The following CHD6 variants were observed in gnomAD, a reference collection of about 807,000 sequenced individuals.
The protein encoded by CHD6 is chromodomain helicase DNA binding protein 6, also known as ATP-dependent chromatin remodeler CHD6.
CHD6 carries 50 observed loss-of-function variants against 276.9 expected under a neutral mutation model. That is an observed-to-expected ratio of 0.18 (90% CI 0.14 to 0.23). The LOEUF is 0.23. Among genes scored for constraint, CHD6 ranks in the 10% least tolerant of loss-of-function variants. The pLI is 1.00. For missense variants in CHD6, 2,564 were observed against 3,365.8 expected, an observed-to-expected ratio of 0.76 and a Z score of 5.89; for synonymous variants, 1,173 against 1,229.3, an observed-to-expected ratio of 0.95 and a Z score of 0.96.
intron 31 of CHD6, 122 bp downstream of exon 31, chr20:41,420,386 G>A (rs2047145634): frequency 3.8e-6 from 4 of 1,063,738 alleles, no homozygotes; most frequent in African/African-American, 1.6e-5. Context: ...GACCTTTGGT[G>A]AGGGTAGGCA....
chr20:41,573,156 G>A (rs1376754990), intron 1 of CHD6, among the ~76,000 whole-genome samples: 2 of 152,142 alleles, frequency 1.3e-5, no homozygotes, highest in South Asian at 2.1e-4. Flanking sequence ...TGATCCACCC[G>A]CCTCGGCCTC....
At chr20:41,604,962 TG>T (rs1406090442) in intron 1 of CHD6, among the ~76,000 whole-genome samples, 1 of 152,166 alleles carries the variant, frequency 6.6e-6, no homozygotes, top group African/African-American at 2.4e-5. Context: ...AACATTTTCA[TG>T]GGAAAATTTT....
intron 1 of CHD6, among the ~76,000 whole-genome samples, chr20:41,554,212 T>C (rs1338533419): frequency 2.6e-5 from 4 of 152,110 alleles, no homozygotes; most frequent in Non-Finnish European, 5.9e-5. Flanking sequence ...ACTTTTGTAA[T>C]GTATAAAGAA....
intron 33 of CHD6, among the ~76,000 whole-genome samples, chr20:41,416,110 C>T (rs1204463367): frequency 6.6e-6 from 1 of 152,160 alleles, no homozygotes; most frequent in Non-Finnish European, 1.5e-5. Flanking sequence ...ACTCATCACC[C>T]CCACCAAAAC....
chr20:41,445,690 T>C lies in CHD6; in HGVS notation c.3852A>G (p.Ser1284=), dbSNP rs150050357. ...VDWWDAEADK[S]LLIGVFKHGY... The stretch of plus-strand genomic sequence containing the variant: ...CATGCTTGAACACGCCAATGAGAAG[T>C]GACTTATCGGCTTCAGCATCCCACC... The change falls in exon 25 of 37, where the codon TCA becomes TCG. Residue 1284 remains serine, a synonymous_variant. Transcript: ENST00000373233. 3.8e-4 allele frequency: 619 copies of C among 1,612,968 alleles called. 2 individuals carry two copies. The highest frequency in any genetic ancestry group is 3.4e-4 in the Non-Finnish European group (406 of 1,179,104).
intron 1 of CHD6, among the ~76,000 whole-genome samples, chr20:41,582,669 G>C (rs1470668748): frequency 6.6e-6 from 1 of 152,154 alleles, no homozygotes; most frequent in Non-Finnish European, 1.5e-5. Context: ...AACTAAGAAA[G>C]ATGACCAAGA....
At chr20:41,512,098 G>C (rs2044132429) in intron 5 of CHD6, among the ~76,000 whole-genome samples, 1 of 151,774 alleles carries the variant, frequency 6.6e-6, no homozygotes, top group Non-Finnish European at 1.5e-5. Context: ...CTCCCAAGTA[G>C]CTGGGATTAC....
intron 1 of CHD6, among the ~76,000 whole-genome samples, chr20:41,598,936 A>G (rs149796782): frequency 2.0e-4 from 31 of 152,258 alleles, no homozygotes; most frequent in African/African-American, 7.5e-4. Context: ...GACAATCACA[A>G]AAAAAGGAGT....
chr20:41,591,403 CACACAT>C (rs2045658615), intron 1 of CHD6, among the ~76,000 whole-genome samples: 2 of 134,800 alleles, frequency 1.5e-5, no homozygotes, highest in East Asian at 2.6e-4. Flanking sequence ...CACACACACA[CACACAT>C]ATATATATAC....
At chr20:41,507,959 T>C (rs1378822122) in intron 5 of CHD6, among the ~76,000 whole-genome samples, 1 of 152,162 alleles carries the variant, frequency 6.6e-6, no homozygotes, top group Non-Finnish European at 1.5e-5. Context: ...AGTATCAAGC[T>C]TGATGCCCAG....
At chr20:41,536,009 T>C (rs746462924) in intron 2 of CHD6, among the ~76,000 whole-genome samples, 71 of 152,210 alleles carry the variant, frequency 4.7e-4, no homozygotes, top group Non-Finnish European at 7.3e-4. Context: ...TTTGTATTTT[T>C]AAGGCACCTT....
At chr20:41,552,456 GCTTGA>G (rs1296356753) in intron 1 of CHD6, among the ~76,000 whole-genome samples, 2 of 152,158 alleles carry the variant, frequency 1.3e-5, no homozygotes, top group East Asian at 1.9e-4. Context: ...ATGTTAATTA[GCTTGA>G]CTTAATTATT....
chr20:41,405,127 G>A lies in CHD6; in HGVS notation c.7614C>T (p.Leu2538=). The change falls in exon 37 of 37, where the codon CTC becomes CTT. Residue 2538 remains leucine, a synonymous_variant. Coordinates refer to ENST00000373233, the MANE Select transcript of CHD6 (RefSeq NM_032221.5). ...VPQMFGVGGL[L]SPPMATTCTS... Reference sequence around the variant, plus strand: ...TGCAGGTGGTTGCCATGGGTGGACTGAGGAGTCCCCCAACACCAAACATCT... The same window carrying A: ...TGCAGGTGGTTGCCATGGGTGGACTAAGGAGTCCCCCAACACCAAACATCT... 1 of 1,614,198 alleles carries A rather than the reference G, an allele frequency of 6.2e-7. No individual in the cohort carries two copies.
At chr20:41,502,201 CATT>C (rs143009174) in intron 5 of CHD6, among the ~76,000 whole-genome samples, 3 of 152,110 alleles carry the variant, frequency 2.0e-5, no homozygotes, top group Non-Finnish European at 4.4e-5. Context: ...CCACCAACAT[CATT>C]AAGCTACATA....
intron 16 of CHD6, among the ~76,000 whole-genome samples, chr20:41,477,547 T>C (rs922689208): frequency 6.6e-6 from 1 of 152,120 alleles, no homozygotes; most frequent in Admixed American, 6.6e-5. Flanking sequence ...CAGTTAAAGA[T>C]TATGAATTTA....
intron 20 of CHD6, among the ~76,000 whole-genome samples, chr20:41,453,512 A>C (rs902302657): frequency 3.9e-5 from 6 of 152,062 alleles, no homozygotes; most frequent in African/African-American, 7.2e-5. Context: ...TGTCTTCTCT[A>C]GTCTCCATTG....
At chr20:41,411,553 G>A (rs927600769) in intron 36 of CHD6, among the ~76,000 whole-genome samples, 2 of 152,142 alleles carry the variant, frequency 1.3e-5, no homozygotes, top group Admixed American at 1.3e-4. Flanking sequence ...TTGAAATGTT[G>A]TTACTGCCCT....
chr20:41,415,641 G>A lies in CHD6; in HGVS notation c.6487-3C>T. 1.3e-6 allele frequency: 2 copies of A among 1,572,346 alleles called. No individual in the cohort carries two copies. Among genetic ancestry groups the A allele is most frequent in the Non-Finnish European group, 1.7e-6 (2 of 1,162,934 alleles). On this transcript the variant is annotated splice_region_variant and splice_polypyrimidine_tract_variant and intron_variant, in intron 33 of 36. Transcript: ENST00000373233. ...AATACTGGAGCTAAGAAGCTCTCCT[G>A]TGAACACACAAACAGCAAGAGAGGT...
chr20:41,432,590 C>T (rs1396870155), intron 27 of CHD6, among the ~76,000 whole-genome samples: 1 of 92,368 alleles, frequency 1.1e-5, no homozygotes, highest in Non-Finnish European at 2.7e-5. Flanking sequence ...AAACAAGGTG[C>T]CCCCCCCGAC....
Sources: gnomAD v4.1 joint callset for allele counts (sites outside exome capture counted in the v4.1 genomes callset) on GRCh38, gnomAD v4.1.1 for gene constraint, MANE v1.5 for transcripts, NCBI Gene and HGNC (gene_info 2026-07-23, HGNC 2026-07-21) for gene names.